ASAP2: variants seen among roughly 807,000 people sequenced by gnomAD.
The protein encoded by ASAP2 is ArfGAP with SH3 domain, ankyrin repeat and PH domain 2.
Under a neutral mutation model 131.4 loss-of-function variants are expected in ASAP2, and 45 were observed. The ratio of observed to expected loss-of-function variants is 0.34; its 90% CI spans 0.27 to 0.44. ASAP2 has a LOEUF of 0.44. Among genes scored for constraint, ASAP2 ranks in the 20% least tolerant of loss-of-function variants. ASAP2 has a pLI of 1.00. For missense variants in ASAP2, 1,011 were observed against 1,297.0 expected (o/e 0.78, Z 3.39); for synonymous variants, 510 against 503.0 (o/e 1.01, Z -0.19).
intron 2 of ASAP2, among the ~76,000 whole-genome samples, chr2:9,283,040 C>T (rs1291451564): frequency 6.6e-6 from 1 of 152,170 alleles, no homozygotes; most frequent in Non-Finnish European, 1.5e-5. Flanking sequence ...TTGACTTCAG[C>T]GTAGCCCTCT....
chr2:9,278,275 G>A (rs1666883962), intron 1 of ASAP2, among the ~76,000 whole-genome samples: 1 of 152,106 alleles, frequency 6.6e-6, no homozygotes, highest in African/African-American at 2.4e-5. Flanking sequence ...CATGTTGGGA[G>A]GTTGAGGCAG....
intron 15 of ASAP2, 120 bp downstream of exon 15, chr2:9,359,009 T>C: frequency 8.0e-7 from 1 of 1,252,764 alleles, no homozygotes; most frequent in Non-Finnish European, 1.1e-6. Flanking sequence ...CAGATTGGTT[T>C]GGATAATTAG....
chr2:9,213,997 T>A (rs1661795714), intron 1 of ASAP2, among the ~76,000 whole-genome samples: 1 of 152,206 alleles, frequency 6.6e-6, no homozygotes, highest in Admixed American at 6.5e-5. Context: ...GACTGAGGGA[T>A]CTGCTCATGC....
chr2:9,335,986 C>G (rs1671177878), intron 9 of ASAP2: 1 of 152,118 alleles, frequency 6.6e-6, no homozygotes, highest in Admixed American at 6.5e-5. Context: ...TGTACTATAA[C>G]TGAATATTGT....
At chr2:9,245,785 A>G (rs1293229374) in intron 1 of ASAP2, among the ~76,000 whole-genome samples, 1 of 151,088 alleles carries the variant, frequency 6.6e-6, no homozygotes, top group Admixed American at 6.6e-5. Context: ...TGCCTCCACT[A>G]GAGTGTCATG....
chr2:9,387,204 ACT>A, intron 21 of ASAP2, among the ~76,000 whole-genome samples: 1 of 128,898 alleles, frequency 7.8e-6, no homozygotes, highest in African/African-American at 3.3e-5. Flanking sequence ...ACAGAGAGAG[ACT>A]CTGTCTCAAA....
intron 12 of ASAP2, among the ~76,000 whole-genome samples, chr2:9,353,382 T>C (rs1046915574): frequency 1.3e-5 from 2 of 151,980 alleles, no homozygotes; most frequent in African/African-American, 4.8e-5. Context: ...CTGGGCAACA[T>C]AGCAAGACCT....
intron 24 of ASAP2, 118 bp downstream of exon 24, chr2:9,393,765 T>C: frequency 9.0e-7 from 1 of 1,109,304 alleles, no homozygotes. Context: ...GGGCGCCACA[T>C]AACTAATTCA....
intron 3 of ASAP2, among the ~76,000 whole-genome samples, chr2:9,299,877 G>A (rs995201458): frequency 2.0e-5 from 3 of 152,196 alleles, no homozygotes; most frequent in African/African-American, 4.8e-5. Context: ...AATCCCATAA[G>A]GTCAGTCAAT....
intron 1 of ASAP2, among the ~76,000 whole-genome samples, chr2:9,237,259 A>G (rs1037108709): frequency 2.0e-5 from 3 of 152,194 alleles, no homozygotes; most frequent in African/African-American, 7.2e-5. Flanking sequence ...TGAAAATGGA[A>G]AAGTTTAACA....
intron 1 of ASAP2, among the ~76,000 whole-genome samples, chr2:9,257,870 T>C (rs1464174967): frequency 1.3e-5 from 2 of 152,232 alleles, no homozygotes; most frequent in East Asian, 1.9e-4. Context: ...GGTGGCATTT[T>C]GGTTTATCCT....
At chr2:9,395,594 C>CTTTTTTTCTTTTTT (rs1676063940) in intron 24 of ASAP2, among the ~76,000 whole-genome samples, 1 of 59,048 alleles carries the variant, frequency 1.7e-5, no homozygotes, top group African/African-American at 5.3e-5. Flanking sequence ...TGTTTTTTTT[C>CTTTTTTTCTTTTTT]TTTTTTTTTT....
At chr2:9,325,655 A>G (rs189079553) in intron 6 of ASAP2, among the ~76,000 whole-genome samples, 2 of 152,356 alleles carry the variant, frequency 1.3e-5, no homozygotes, top group East Asian at 3.9e-4. Flanking sequence ...TTCCTGTGGT[A>G]TGCACCTTGC....
intron 16 of ASAP2, among the ~76,000 whole-genome samples, chr2:9,369,001 C>A (rs2952791): frequency 0.37 from 56,559 of 151,506 alleles, 11,693 homozygotes; most frequent in African/African-American, 0.55. Flanking sequence ...TGTTGATACA[C>A]AACTTGACGG....
At chr2:9,320,199 C>A in intron 4 of ASAP2, 89 bp from the exon 5 acceptor site, 2 of 1,080,162 alleles carry the variant, frequency 1.9e-6, no homozygotes, top group Non-Finnish European at 2.8e-6. Flanking sequence ...AATTAATGCT[C>A]CTTTCAGGGC....
At chr2:9,371,646 G>A (rs1254924283) in intron 16 of ASAP2, among the ~76,000 whole-genome samples, 4 of 152,124 alleles carry the variant, frequency 2.6e-5, no homozygotes, top group Admixed American at 2.6e-4. Flanking sequence ...GTGTAACTGG[G>A]GGAGGTGGAG....
intron 16 of ASAP2, among the ~76,000 whole-genome samples, chr2:9,373,217 A>G (rs73150916): frequency 0.012 from 1,879 of 152,264 alleles, 29 homozygotes; most frequent in African/African-American, 0.035. Flanking sequence ...GCAGTGTGAT[A>G]AAAGTGCCAG....
intron 21 of ASAP2, among the ~76,000 whole-genome samples, chr2:9,385,661 C>T (rs2148765700): frequency 6.6e-6 from 1 of 152,268 alleles, no homozygotes; most frequent in East Asian, 1.9e-4. Context: ...AGGAAGGTCT[C>T]TTGCTATGGA....
At chr2:9,401,218 G>T in intron 26 of ASAP2, 56 bp from the exon 27 acceptor site, 1 of 1,604,604 alleles carries the variant, frequency 6.2e-7, no homozygotes, top group Non-Finnish European at 8.5e-7. Flanking sequence ...TGAGCTCTCT[G>T]CCCTGAGAGC....
Sources: allele counts gnomAD v4.1 joint callset (sites outside exome capture counted in the v4.1 genomes callset), GRCh38; gene constraint gnomAD v4.1.1; transcripts MANE v1.5; gene names NCBI Gene and HGNC (gene_info 2026-07-23, HGNC 2026-07-21).